SLC39A9: variants seen among roughly 807,000 people sequenced by gnomAD.
SLC39A9 encodes the protein zinc transporter ZIP9.
SLC39A9 carries 14 observed loss-of-function variants against 28.4 expected under a neutral mutation model. That is an observed-to-expected ratio of 0.49 (90% CI 0.33 to 0.77). SLC39A9 has a LOEUF of 0.77. Among genes scored for constraint, SLC39A9 ranks in the 30% least tolerant of loss-of-function variants. SLC39A9 has a pLI of 0.02. For missense variants in SLC39A9, 283 were observed against 381.1 expected, an observed-to-expected ratio of 0.74 and a Z score of 2.14; for synonymous variants, 119 against 149.6, an observed-to-expected ratio of 0.80 and a Z score of 1.49.
chr14:69,408,225 C>T (rs1174817268), intron 1 of SLC39A9, among the ~76,000 whole-genome samples: 1 of 151,852 alleles, frequency 6.6e-6, no homozygotes, highest in Non-Finnish European at 1.5e-5. Flanking sequence ...GTTGGCCAGG[C>T]TGTTCTCAAA....
chr14:69,438,417 G>A (rs1594936028), intron 2 of SLC39A9, among the ~76,000 whole-genome samples: 1 of 152,156 alleles, frequency 6.6e-6, no homozygotes. Context: ...TCGTTCTTCT[G>A]TGGACCTTAT....
At chr14:69,438,495 CATT>C (rs1200756937) in intron 2 of SLC39A9, among the ~76,000 whole-genome samples, 45 of 152,040 alleles carry the variant, frequency 3.0e-4, no homozygotes, top group African/African-American at 9.9e-4. Flanking sequence ...CTTTAATAAG[CATT>C]ATTAAATACT....
At chr14:69,399,880 T>C (rs2140239355) in intron 1 of SLC39A9, among the ~76,000 whole-genome samples, 1 of 152,242 alleles carries the variant, frequency 6.6e-6, no homozygotes, top group South Asian at 2.1e-4. Flanking sequence ...TTTGGGAGGC[T>C]GAGGTGGAAG....
rs1885266337 is a variant in SLC39A9 at position 69,445,794 on chromosome 14, C to T, written c.403+3528C>T. ...CTGAGCATGCCTTTTTGGTATAATT[C>T]TGACTTTTGGAAACATGTTAATGTT... is the stretch of plus-strand genomic sequence containing the variant. On this transcript the variant is annotated intron_variant, in intron 3 of 6. Coordinates refer to ENST00000336643, the MANE Select transcript of SLC39A9 (RefSeq NM_018375.5). 2.0e-5 allele frequency among the ~76,000 whole-genome samples: 3 copies of T among 152,124 alleles called. No homozygotes were observed. In the South Asian group the frequency reaches 6.2e-4, roughly 31 times the overall value.
chr14:69,417,690 T>C (rs1005503413), intron 1 of SLC39A9, among the ~76,000 whole-genome samples: 3 of 152,218 alleles, frequency 2.0e-5, no homozygotes, highest in African/African-American at 7.2e-5. Flanking sequence ...GTCCTTCACA[T>C]CCCTTGTAAT....
chr14:69,399,146 G>C lies in SLC39A9; in HGVS notation c.-224G>C, dbSNP rs1480861066. On this transcript the variant is annotated 5_prime_UTR_variant, in exon 1 of 7. Transcript: ENST00000336643. ...TGAGAACCCAGAGCCTGGGACCTTA[G>C]ATTGCTGTAAGCTTTCTCTGGTGCT... is the stretch of plus-strand genomic sequence containing the variant. 3 of 519,784 alleles carry C rather than the reference G, an allele frequency of 5.8e-6. No individual in the cohort carries two copies. The highest frequency in any genetic ancestry group is 4.0e-5 in the African/African-American group (2 of 49,706). The allele number at this position is 519,784 out of a possible 1,614,324, so 32.2% of individuals were successfully genotyped here.
chr14:69,410,347 G>A (rs1329203422), intron 1 of SLC39A9, among the ~76,000 whole-genome samples: 1 of 152,104 alleles, frequency 6.6e-6, no homozygotes. Flanking sequence ...TGCAGTGGAG[G>A]TGCTTAGAAG....
At chr14:69,453,725 G>C (rs1885726721) in intron 4 of SLC39A9, among the ~76,000 whole-genome samples, 1 of 152,112 alleles carries the variant, frequency 6.6e-6, no homozygotes, top group Non-Finnish European at 1.5e-5. Flanking sequence ...TAGGGTGATG[G>C]CAATAAAAAA....
At chr14:69,402,539 G>C (rs1882695096) in intron 1 of SLC39A9, among the ~76,000 whole-genome samples, 1 of 152,040 alleles carries the variant, frequency 6.6e-6, no homozygotes, top group Non-Finnish European at 1.5e-5. Context: ...CTACCTGCCA[G>C]ATGTGCCCAC....
chr14:69,409,459 C>T (rs1184304650), intron 1 of SLC39A9, among the ~76,000 whole-genome samples: 5 of 152,120 alleles, frequency 3.3e-5, no homozygotes, highest in Admixed American at 6.6e-5. Context: ...CTACCTCAAC[C>T]TCCCTAGTAG....
chr14:69,436,676 G>A (rs146881721), intron 2 of SLC39A9, among the ~76,000 whole-genome samples: 43 of 152,218 alleles, frequency 2.8e-4, no homozygotes, highest in African/African-American at 7.7e-4. Context: ...GACTTGTGCC[G>A]TTTATACATA....
chr14:69,401,070 G>C (rs1302421552), intron 1 of SLC39A9, among the ~76,000 whole-genome samples: 6 of 152,082 alleles, frequency 3.9e-5, no homozygotes, highest in Non-Finnish European at 7.4e-5. Flanking sequence ...AGAATCAGAA[G>C]AGAGGTATTT....
At position 69,461,685 on chromosome 14, in the gene SLC39A9, C is replaced by G; in HGVS notation, c.*3092C>G. 13 of 1,535,418 alleles carry G rather than the reference C, an allele frequency of 8.5e-6. No homozygotes were observed. Among genetic ancestry groups the G allele is most frequent in the Non-Finnish European group, 1.1e-5 (13 of 1,146,608 alleles). On this transcript the variant is annotated 3_prime_UTR_variant, in exon 7 of 7. Coordinates refer to ENST00000336643, the MANE Select transcript of SLC39A9 (RefSeq NM_018375.5). Reference sequence around the variant, plus strand: ...TTCTAAGTGTCACTGCCTGGTTTTTCTCTTTTTCAAGGATTAGAACTAAGA... The same window carrying G: ...TTCTAAGTGTCACTGCCTGGTTTTTGTCTTTTTCAAGGATTAGAACTAAGA...
At chr14:69,404,167 A>G (rs571350786) in intron 1 of SLC39A9, among the ~76,000 whole-genome samples, 2 of 152,356 alleles carry the variant, frequency 1.3e-5, no homozygotes, top group East Asian at 1.9e-4. Flanking sequence ...TCAGGGTTGC[A>G]GTGAGCTATG....
chr14:69,442,068 G>A lies in SLC39A9; in HGVS notation c.206-1G>A. On this transcript the variant is annotated splice_acceptor_variant, in intron 2 of 6. Transcript: ENST00000336643. LOFTEE classifies it high-confidence loss of function. The stretch of plus-strand genomic sequence containing the variant: ...TCTCTTTATGGTTTATTCTGCTCTA[G>A]GAAAACACCACCAAGCAAGTGAAAC... The A allele has an allele frequency of 1.9e-6, 3 of 1,613,752 alleles. No individual in the cohort carries two copies. The highest frequency in any genetic ancestry group is 2.5e-6 in the Non-Finnish European group (3 of 1,179,860).
intron 2 of SLC39A9, among the ~76,000 whole-genome samples, chr14:69,427,098 G>T (rs1254832199): frequency 6.6e-6 from 1 of 150,522 alleles, no homozygotes; most frequent in African/African-American, 2.5e-5. Flanking sequence ...ACTTCCCCAG[G>T]TTCAGGTGAC....
rs527268449 is a variant in SLC39A9 at position 69,461,505 on chromosome 14, G to A, written c.*2912G>A. On this transcript the variant is annotated 3_prime_UTR_variant, in exon 7 of 7. Coordinates refer to ENST00000336643, the MANE Select transcript of SLC39A9 (RefSeq NM_018375.5). ...GGTTATGTGTTTTCTCTTTCTCCCC[G>A]CTTTCACCTCTTTCTTTCCCAATTC... is the stretch of plus-strand genomic sequence containing the variant. The A allele has an allele frequency of 4.3e-5, 62 of 1,430,792 alleles. No individual in the cohort carries two copies. Among genetic ancestry groups the A allele is most frequent in the Non-Finnish European group, 4.5e-5 (49 of 1,095,812 alleles). 88.6% of individuals were successfully genotyped at this position (1,430,792 alleles called of 1,614,324 possible).
At chr14:69,411,368 T>C (rs932430317) in intron 1 of SLC39A9, among the ~76,000 whole-genome samples, 5 of 152,214 alleles carry the variant, frequency 3.3e-5, no homozygotes, top group African/African-American at 7.2e-5. Context: ...TGCTGATGGT[T>C]AACGGCATAG....
intron 3 of SLC39A9, among the ~76,000 whole-genome samples, chr14:69,447,913 CAAAA>C (rs34116080): frequency 2.1e-5 from 2 of 97,118 alleles, no homozygotes; most frequent in African/African-American, 4.3e-5. Flanking sequence ...GCCCTGTCTC[CAAAA>C]AAAAAAAAAA....
Sources: gnomAD v4.1 joint callset for allele counts (sites outside exome capture counted in the v4.1 genomes callset) on GRCh38, gnomAD v4.1.1 for gene constraint, MANE v1.5 for transcripts, NCBI Gene and HGNC (gene_info 2026-07-23, HGNC 2026-07-21) for gene names.